NPRL3: variants seen among roughly 807,000 people sequenced by gnomAD.
NPRL3 encodes NPR3 like, GATOR1 complex subunit, also known as GATOR1 complex protein NPRL3.
Under a neutral mutation model 57.2 loss-of-function variants are expected in NPRL3, and 23 were observed. The ratio of observed to expected loss-of-function variants is 0.40; its 90% CI spans 0.29 to 0.57. NPRL3 has a LOEUF of 0.57. Among genes scored for constraint, NPRL3 ranks in the 20% least tolerant of loss-of-function variants. The pLI is 0.42. For missense variants in NPRL3, 691 were observed against 767.1 expected (o/e 0.90, Z 1.17); for synonymous variants, 333 against 321.1 (o/e 1.04, Z -0.39).
At chr16:121,481 G>A (rs780463273) in intron 3 of NPRL3, among the ~76,000 whole-genome samples, 11 of 151,986 alleles carry the variant, frequency 7.2e-5, no homozygotes, top group East Asian at 2.0e-4. Flanking sequence ...AAAATTAGCC[G>A]GGCGCAGTGA....
intron 7 of NPRL3, among the ~76,000 whole-genome samples, chr16:104,676 T>C (rs1307660391): frequency 6.6e-6 from 1 of 152,152 alleles, no homozygotes; most frequent in Non-Finnish European, 1.5e-5. Context: ...CCTGCTGCTT[T>C]CTCCCTCAGA....
chr16:114,046 T>C (rs1899927546), intron 5 of NPRL3, among the ~76,000 whole-genome samples: 1 of 152,172 alleles, frequency 6.6e-6, no homozygotes, highest in Admixed American at 6.5e-5. Context: ...ATATGGGGTG[T>C]ATACAATTGC....
At chr16:87,718 C>T (rs77965581) in intron 13 of NPRL3, among the ~76,000 whole-genome samples, 1 of 151,602 alleles carries the variant, frequency 6.6e-6, no homozygotes, top group Non-Finnish European at 1.5e-5. Flanking sequence ...TACAGGCGCC[C>T]GCCACCACAC....
At chr16:106,514 G>C (rs193043705) in intron 7 of NPRL3, among the ~76,000 whole-genome samples, 72 of 150,918 alleles carry the variant, frequency 4.8e-4, no homozygotes, top group Non-Finnish European at 8.7e-4. Flanking sequence ...GGTGCCTATA[G>C]TCCCAGCTAC....
At chr16:99,635 C>CA (rs11289693) in intron 8 of NPRL3, among the ~76,000 whole-genome samples, 147 of 119,216 alleles carry the variant, frequency 1.2e-3, no homozygotes, top group Middle Eastern at 4.3e-3. Context: ...GACTACATCT[C>CA]AAAAAAAAAA....
chr16:119,790 C>T lies in NPRL3; in HGVS notation c.189-535G>A, dbSNP rs142685966. On this transcript the variant is annotated intron_variant, in intron 3 of 13. Transcript: ENST00000611875. The stretch of plus-strand genomic sequence containing the variant: ...CCTTCCTCATAGCATGGCTGCCCAT[C>T]CGTTCCCTTATCCCAAACACTTAAA... 1.0e-3 allele frequency among the ~76,000 whole-genome samples: 154 copies of T among 152,370 alleles called. 3 individuals are homozygous for T. Among genetic ancestry groups the T allele is most frequent in the African/African-American group, 3.5e-3 (144 of 41,586 alleles).
At chr16:111,700 G>A (rs1470635586) in intron 6 of NPRL3, among the ~76,000 whole-genome samples, 1 of 152,022 alleles carries the variant, frequency 6.6e-6, no homozygotes, top group Admixed American at 6.6e-5. Context: ...CAATCTACCT[G>A]CCTCAGCCTC....
chr16:118,189 G>A (rs1418411370), intron 4 of NPRL3, among the ~76,000 whole-genome samples: 1 of 152,146 alleles, frequency 6.6e-6, no homozygotes, highest in African/African-American at 2.4e-5. Flanking sequence ...CAGAATTGCT[G>A]GATCTGTATA....
At chr16:107,256 C>A (rs1899572522) in intron 7 of NPRL3, among the ~76,000 whole-genome samples, 1 of 152,174 alleles carries the variant, frequency 6.6e-6, no homozygotes, top group Non-Finnish European at 1.5e-5. Context: ...CCGCAGCCTG[C>A]AGATCACACA....
intron 13 of NPRL3, among the ~76,000 whole-genome samples, chr16:88,387 CAAAAAAA>C (rs56670370): frequency 0.71 from 93,026 of 131,234 alleles, 33,262 homozygotes; most frequent in South Asian, 0.81. Flanking sequence ...GACTCCGTCT[CAAAAAAA>C]AAAAAAAAAA....
At chr16:131,720 G>A (rs540995488) in intron 2 of NPRL3, among the ~76,000 whole-genome samples, 36 of 151,772 alleles carry the variant, frequency 2.4e-4, no homozygotes, top group African/African-American at 8.2e-4. Context: ...GGTACTTGCT[G>A]AAGGCTGGGG....
chr16:91,684 G>C (rs1445774965), intron 11 of NPRL3, among the ~76,000 whole-genome samples: 1 of 152,228 alleles, frequency 6.6e-6, no homozygotes, highest in South Asian at 2.1e-4. Context: ...AGCGTCTAAC[G>C]GAGCTGAAAA....
At chr16:91,577 G>A (rs1898765653) in intron 11 of NPRL3, among the ~76,000 whole-genome samples, 1 of 152,168 alleles carries the variant, frequency 6.6e-6, no homozygotes, top group Non-Finnish European at 1.5e-5. Context: ...AAGAGCAGGG[G>A]TGCAGAGAGT....
intron 3 of NPRL3, among the ~76,000 whole-genome samples, chr16:123,880 G>A (rs1246143971): frequency 8.9e-6 from 1 of 111,872 alleles, no homozygotes; most frequent in Non-Finnish European, 1.8e-5. Flanking sequence ...CACTCCCCAC[G>A]CTGAGAAACA....
At position 112,673 on chromosome 16, in the gene NPRL3, C is replaced by G; in HGVS notation, c.496G>C (p.Glu166Gln). 3 of 1,608,312 alleles carry G rather than the reference C, an allele frequency of 1.9e-6. No individual in the cohort carries two copies. Among genetic ancestry groups the G allele is most frequent in the Non-Finnish European group, 2.5e-6 (3 of 1,177,370 alleles). Residue 166 changes from glutamate (E) to glutamine (Q), a missense_variant, in exon 6 of 14, where the codon GAG (glutamate) becomes CAG (glutamine). Physicochemically the swap from Glu to Gln is conservative, Grantham distance 29 (BLOSUM62 2). Coordinates refer to ENST00000611875, the MANE Select transcript of NPRL3 (RefSeq NM_001077350.3). ...EERRCQYLTR[E>Q]AKLILALQDE... ...TGGAGCGCCAGGATCAGCTTGGCCT[C>G]CCGGGTGAGGTACTGGCAGCGGCGC...
chr16:96,532 T>C (rs1472821808), intron 9 of NPRL3, among the ~76,000 whole-genome samples: 1 of 149,980 alleles, frequency 6.7e-6, no homozygotes, highest in East Asian at 2.0e-4. Flanking sequence ...AAGGCACAGC[T>C]GGGCATGGTG....
At chr16:134,694 A>ATTT (rs34425237) in intron 2 of NPRL3, among the ~76,000 whole-genome samples, 1,054 of 103,344 alleles carry the variant, frequency 0.01, 10 homozygotes, top group African/African-American at 0.013. Flanking sequence ...AATTATTATT[A>ATTT]TTTTTTTTTT....
At chr16:131,081 T>C (rs992035860) in intron 2 of NPRL3, among the ~76,000 whole-genome samples, 9 of 152,258 alleles carry the variant, frequency 5.9e-5, no homozygotes, top group African/African-American at 2.2e-4. Context: ...GTGCCTGTAA[T>C]CCCAACCCTT....
intron 2 of NPRL3, among the ~76,000 whole-genome samples, chr16:134,734 C>T (rs1327137255): frequency 7.7e-6 from 1 of 129,322 alleles, no homozygotes; most frequent in Non-Finnish European, 1.6e-5. Context: ...CGGAGTCTCG[C>T]TCTGTCGCCC....
Sources: gnomAD v4.1 joint callset for allele counts (sites outside exome capture counted in the v4.1 genomes callset) on GRCh38, gnomAD v4.1.1 for gene constraint, MANE v1.5 for transcripts, NCBI Gene and HGNC (gene_info 2026-07-23, HGNC 2026-07-21) for gene names.